The following CYP3A5 variants were observed in gnomAD, a reference collection of about 807,000 sequenced individuals.
CYP3A5 encodes cytochrome P450 3A5.
A neutral mutation model predicts 55.9 loss-of-function variants in CYP3A5; 51 were observed. That is an observed-to-expected ratio of 0.91 (90% CI 0.73 to 1.15). The LOEUF is 1.15. Among genes scored for constraint, CYP3A5 ranks in the 50% most tolerant of loss-of-function variants. The probability of loss-of-function intolerance (pLI) is 0.00; values close to 1 mark genes in which losing one functional copy is unlikely to be tolerated. For synonymous variants in CYP3A5, 196 were observed against 213.9 expected, an observed-to-expected ratio of 0.92 and a Z score of 0.73; for missense variants, 533 against 596.6, an observed-to-expected ratio of 0.89 and a Z score of 1.11.
chr7:99,674,720 CAG>C (rs1812052888), intron 2 of CYP3A5, 135 bp from the exon 3 acceptor site: 4 of 639,116 alleles, frequency 6.3e-6, no homozygotes, highest in Non-Finnish European at 1.1e-5. Context: ...GGAAGCTATT[CAG>C]AGATGTCTTA....
At chr7:99,671,867 C>T (rs765966528) in intron 4 of CYP3A5, 104 of 702,660 alleles carry the variant, frequency 1.5e-4, no homozygotes, top group Admixed American at 1.0e-3. Flanking sequence ...TGGTGCTGGT[C>T]GTTGCACAAA....
rs576158433 is a variant in CYP3A5 at position 99,655,748 on chromosome 7, A to G, written c.1027-2969T>C. Reference sequence around the variant, plus strand: ...GTTCCATTTGTTTGTATCTTCTTTTATTTCATTGAGCAGTGGTTTGTAATT... The same window carrying G: ...GTTCCATTTGTTTGTATCTTCTTTTGTTTCATTGAGCAGTGGTTTGTAATT... On this transcript the variant is annotated intron_variant, in intron 10 of 12. Coordinates refer to ENST00000222982, the MANE Select transcript of CYP3A5 (RefSeq NM_000777.5). 1.3e-4 allele frequency among the ~76,000 whole-genome samples: 20 copies of G among 152,108 alleles called. No homozygotes were observed. The South Asian group carries it at 2.1e-3, about 16-fold the overall frequency.
At chr7:99,678,022 G>A (rs1179696715) in intron 1 of CYP3A5, among the ~76,000 whole-genome samples, 3 of 152,214 alleles carry the variant, frequency 2.0e-5, no homozygotes, top group Non-Finnish European at 4.4e-5. Context: ...TGGGTCCAGT[G>A]AAGAGACTAA....
At chr7:99,667,537 G>A (rs79406974) in intron 4 of CYP3A5, among the ~76,000 whole-genome samples, 4,476 of 152,222 alleles carry the variant, frequency 0.029, 214 homozygotes, top group African/African-American at 0.1. Flanking sequence ...TGAAAAGTAG[G>A]TAATACTTAA....
At position 99,662,046 on chromosome 7, in the gene CYP3A5, GA is replaced by G. The variant is rs1562992848; in HGVS notation, c.865+769del. On this transcript the variant is annotated intron_variant, in intron 9 of 12. Transcript: ENST00000222982. This position sits in a 1 kb window ranked among gnomAD's most constrained non-coding sequence, Gnocchi z 4.3. Reference sequence around the variant, plus strand: ...GCAAGTTTTGTTGAGATAGATAGATGATTAATTGATAAATTATAGGCAGATA... The same window carrying G: ...GCAAGTTTTGTTGAGATAGATAGATGTTAATTGATAAATTATAGGCAGATA... 6.6e-6 allele frequency among the ~76,000 whole-genome samples: 1 copy of G among 152,220 alleles called. No individual in the cohort carries two copies.
chr7:99,663,659 C>G (rs1229718566), intron 8 of CYP3A5: 103 of 1,020,198 alleles, frequency 1.0e-4, no homozygotes, highest in Non-Finnish European at 1.2e-4. Context: ...AATATATTTT[C>G]AAACAGGAAA....
chr7:99,678,866 A>G (rs145965409), intron 1 of CYP3A5, among the ~76,000 whole-genome samples: 111 of 152,314 alleles, frequency 7.3e-4, no homozygotes, highest in African/African-American at 2.6e-3. Context: ...AGTTAATGGG[A>G]CAGGTGGAGC....
At chr7:99,648,465 A>C in intron 12 of CYP3A5, 65 bp from the exon 13 acceptor site, 4 of 1,365,332 alleles carry the variant, frequency 2.9e-6, no homozygotes, top group Non-Finnish European at 4.1e-6. Context: ...AGATGGAAGC[A>C]AAGTAGAAAA....
At chr7:99,677,085 G>A in intron 1 of CYP3A5, 1 of 703,058 alleles carries the variant, frequency 1.4e-6, no homozygotes, top group Non-Finnish European at 1.7e-6. Context: ...CTCTGTACGT[G>A]AAGTATCTCT....
intron 4 of CYP3A5, among the ~76,000 whole-genome samples, chr7:99,669,122 A>G (rs1163519339): frequency 6.6e-6 from 1 of 152,222 alleles, no homozygotes; most frequent in Non-Finnish European, 1.5e-5. Context: ...CTTAAAAAGA[A>G]AACCCTAAAA....
intron 12 of CYP3A5, among the ~76,000 whole-genome samples, chr7:99,649,848 C>T (rs1355590671): frequency 6.6e-6 from 1 of 152,144 alleles, no homozygotes; most frequent in Admixed American, 6.5e-5. Context: ...AAAGAGACTA[C>T]ACATAATCAT....
intron 4 of CYP3A5, chr7:99,670,914 CTTTTA>C (rs995393881): frequency 1.3e-5 from 2 of 152,102 alleles, no homozygotes; most frequent in African/African-American, 2.4e-5. Flanking sequence ...GTTCTCTTTT[CTTTTA>C]TAATAAAAAA....
At position 99,662,719 on chromosome 7, in the gene CYP3A5, A is replaced by G; in HGVS notation, c.865+97T>C. On this transcript the variant is annotated intron_variant, in intron 9 of 12. Transcript: ENST00000222982. The surrounding 1 kb of genome is among the most constrained non-coding windows in gnomAD (Gnocchi z 4.3). ...TGTGTTGTTCTGCTATGTGGCAAAAATTCTCATCTTCCTGGAATACTTCCT... is the reference window on the plus strand; with the variant it reads ...TGTGTTGTTCTGCTATGTGGCAAAAGTTCTCATCTTCCTGGAATACTTCCT... 8.0e-7 allele frequency: 1 copy of G among 1,242,892 alleles called. No homozygotes were observed. Among genetic ancestry groups the G allele is most frequent in the Admixed American group, 1.9e-5 (1 of 53,174 alleles). 77.0% of individuals were successfully genotyped at this position (1,242,892 alleles called of 1,614,324 possible).
intron 4 of CYP3A5, among the ~76,000 whole-genome samples, chr7:99,669,765 A>G (rs2151434755): frequency 6.6e-6 from 1 of 152,324 alleles, no homozygotes; most frequent in African/African-American, 2.4e-5. Context: ...AGACACAACT[A>G]AATCAAGAGA....
In CYP3A5 at chr7:99,650,161, A is replaced by G. The variant is rs1267703650; in HGVS notation, c.1325T>C (p.Ile442Thr). 10 of 1,614,146 alleles carry G rather than the reference A, an allele frequency of 6.2e-6. 1 individual carries two copies. The Middle Eastern group carries it at 8.2e-4, about 133-fold the overall frequency. The change falls in exon 12 of 13, where the codon ATT (isoleucine) becomes ACT (threonine). Residue 442 changes from isoleucine to threonine, a missense_variant. By Grantham distance (89) the Ile-to-Thr change is moderately conservative. Transcript: ENST00000222982. ...TPFGTGPRNCIGMRFALMNMK... is the reference protein window; with the variant it reads ...TPFGTGPRNCTGMRFALMNMK... ...GTTCATGAGAGCAAACCTCATGCCA[A>G]TGCAGTTTCTGGGTCCAGTTCCAAA...
intron 3 of CYP3A5, among the ~76,000 whole-genome samples, chr7:99,673,804 AAAG>A (rs1563002442): frequency 6.6e-6 from 1 of 152,188 alleles, no homozygotes; most frequent in Admixed American, 6.5e-5. Flanking sequence ...AGGAAGAAAA[AAAG>A]AAGAGGGGAA....
rs372459335 is a variant in CYP3A5, at chr7:99,662,924, G to A, written c.799-42C>T. ...AGATTTCTTTGGCAGAAAGTGACTC[G>A]TGAAGTCAGAAGTAAATCAAAAGTG... On this transcript the variant is annotated intron_variant, in intron 8 of 12. Coordinates refer to ENST00000222982, the MANE Select transcript of CYP3A5 (RefSeq NM_000777.5). The surrounding 1 kb of genome is among the most constrained non-coding windows in gnomAD (Gnocchi z 4.3). 1.6e-5 allele frequency: 25 copies of A among 1,610,594 alleles called. 1 individual carries two copies. In the African/African-American group the frequency reaches 2.4e-4, roughly 15 times the overall value.
Position 99,662,955 on chromosome 7 carries a change from C to T in CYP3A5, c.799-73G>A. 2.5e-6 allele frequency: 4 copies of T among 1,593,486 alleles called. No individual in the cohort carries two copies. Among genetic ancestry groups the T allele is most frequent in the East Asian group, 2.3e-5 (1 of 44,322 alleles). ...TCAGAAGTAAATCAAAAGTGCAGTC[C>T]TCAACCTCCCTTCTTGACTTCCCTC... On this transcript the variant is annotated intron_variant, in intron 8 of 12. Coordinates refer to ENST00000222982, the MANE Select transcript of CYP3A5 (RefSeq NM_000777.5). The surrounding 1 kb of genome is among the most constrained non-coding windows in gnomAD (Gnocchi z 4.3).
intron 10 of CYP3A5, among the ~76,000 whole-genome samples, chr7:99,658,343 C>T (rs1014780043): frequency 5.9e-5 from 9 of 152,230 alleles, no homozygotes; most frequent in African/African-American, 2.2e-4. Flanking sequence ...ACTTATGAAG[C>T]TTAGTTTGGC....
Sources: allele counts gnomAD v4.1 joint callset (sites outside exome capture counted in the v4.1 genomes callset), GRCh38; gene constraint gnomAD v4.1.1; non-coding constraint Gnocchi (gnomAD v3.1); transcripts MANE v1.5; gene names NCBI Gene and HGNC (gene_info 2026-07-23, HGNC 2026-07-21).